Variants in ARAP2 observed in about 807,000 individuals in gnomAD.
The protein encoded by ARAP2 is arf-GAP with Rho-GAP domain, ANK repeat and PH domain-containing protein 2.
In ARAP2, 148 loss-of-function variants were observed where a neutral mutation model predicts 194.5. The observed-to-expected ratio is 0.76, with a 90% CI of 0.67 to 0.87. The LOEUF (loss-of-function observed/expected upper bound fraction) is 0.87. Ranked by LOEUF, ARAP2 falls within the 40% of genes least tolerant of loss-of-function variation. The pLI is 0.00. For synonymous variants in ARAP2, 695 were observed against 683.5 expected, an observed-to-expected ratio of 1.02 and a Z score of -0.26; for missense variants, 2,128 against 1,989.7, an observed-to-expected ratio of 1.07 and a Z score of -1.32.
At chr4:36,054,511 G>A (rs986313436) in intron 2 of ARAP2, among the ~76,000 whole-genome samples, 2 of 152,048 alleles carry the variant, frequency 1.3e-5, no homozygotes, top group African/African-American at 2.4e-5. Flanking sequence ...AATTAGTAAC[G>A]ATATGCACCT....
chr4:36,122,204 T>A (rs1722832377), intron 22 of ARAP2, among the ~76,000 whole-genome samples: 1 of 151,744 alleles, frequency 6.6e-6, no homozygotes, highest in African/African-American at 2.4e-5. Context: ...TAGAAGACAG[T>A]GTGGCAATTT....
In ARAP2 at chr4:36,193,597, G is replaced by A. The variant is rs1426576358; in HGVS notation, c.1538C>T (p.Ser513Phe). The A allele has an allele frequency of 3.8e-6, 6 of 1,590,620 alleles. No individual in the cohort carries two copies. The East Asian group carries it at 1.1e-4, about 30-fold the overall frequency. ...RWVKFDGLSI[S>F]YYNNEKEMYS... The stretch of plus-strand genomic sequence containing the variant: ...ATTTACCTTCTCATTATTGTAGTAA[G>A]AAATGCTAAGGCCATCAAATTTCAC... The change falls in exon 7 of 33, where the codon TCT becomes TTT. Residue 513 changes from serine (S) to phenylalanine (F), a missense_variant. By Grantham distance (155) the Ser-to-Phe change is radical. Transcript: ENST00000303965.
chr4:36,171,891 T>C (rs1736748148), intron 9 of ARAP2, among the ~76,000 whole-genome samples: 1 of 152,218 alleles, frequency 6.6e-6, no homozygotes. Flanking sequence ...TGGTAAATGT[T>C]CAATTAAATT....
chr4:36,110,733 T>C (rs1241339434), intron 26 of ARAP2, among the ~76,000 whole-genome samples: 1 of 152,030 alleles, frequency 6.6e-6, no homozygotes, highest in African/African-American at 2.4e-5. Context: ...GAAGAAAAGA[T>C]GACTGCTGTT....
At chr4:36,086,219 C>T (rs1185253926) in intron 28 of ARAP2, among the ~76,000 whole-genome samples, 1 of 152,086 alleles carries the variant, frequency 6.6e-6, no homozygotes, top group Non-Finnish European at 1.5e-5. Context: ...GAAGATAGGA[C>T]TTGCATATTG....
chr4:36,162,925 G>A (rs1204792295), intron 11 of ARAP2, among the ~76,000 whole-genome samples: 2 of 152,170 alleles, frequency 1.3e-5, no homozygotes, highest in African/African-American at 4.8e-5. Flanking sequence ...GGCTTTGAGT[G>A]TGCAGCGTAG....
intron 1 of ARAP2, among the ~76,000 whole-genome samples, chr4:36,058,801 A>T (rs1283254839): frequency 3.1e-4 from 47 of 152,046 alleles, no homozygotes; most frequent in Non-Finnish European, 5.9e-5. Context: ...GAGGTAGATC[A>T]TTAAAATATA....
chr4:36,146,664 A>C (rs549516991), intron 19 of ARAP2, among the ~76,000 whole-genome samples: 4 of 152,228 alleles, frequency 2.6e-5, no homozygotes, highest in African/African-American at 9.6e-5. Context: ...GCTAGCAAAC[A>C]CGGATACTAT....
chr4:36,070,953 T>C (rs1036738726), intron 32 of ARAP2, among the ~76,000 whole-genome samples: 3 of 152,168 alleles, frequency 2.0e-5, no homozygotes, highest in African/African-American at 4.8e-5. Flanking sequence ...CAGCTTGGCC[T>C]TTCTGAAATC....
chr4:36,147,752 AAAAC>A lies in ARAP2; in HGVS notation c.3001-10_3001-7del. ...GCAAATAAGGGAACAAAATGCTGTT[AAAAC>A]AAATACAAAAAAGTAATAAAGACAG... On this transcript the variant is annotated splice_region_variant and splice_polypyrimidine_tract_variant and intron_variant, in intron 17 of 32. Coordinates refer to ENST00000303965, the MANE Select transcript of ARAP2 (RefSeq NM_015230.4). 2 of 1,595,422 alleles carry A rather than the reference AAAAC, an allele frequency of 1.3e-6. No homozygotes were observed. Among genetic ancestry groups the A allele is most frequent in the Middle Eastern group, 1.7e-4 (1 of 5,952 alleles).
chr4:36,216,661 T>C lies in ARAP2; in HGVS notation c.906-2181A>G, dbSNP rs567396731. Among the ~76,000 whole-genome samples, 6 of 151,620 alleles carry C rather than the reference T, an allele frequency of 4.0e-5. No individual in the cohort carries two copies. In the South Asian group the frequency reaches 6.2e-4, roughly 16 times the overall value. On this transcript the variant is annotated intron_variant, in intron 2 of 32. Transcript: ENST00000303965. ...AATCAAAAACTTGAAAAAACCCAAA[T>C]AGACATCAGGAAGTAAATGATAAAC...
chr4:36,189,345 T>C (rs1741342689), intron 7 of ARAP2, among the ~76,000 whole-genome samples: 1 of 152,150 alleles, frequency 6.6e-6, no homozygotes, highest in Admixed American at 6.6e-5. Flanking sequence ...ACATATAAAG[T>C]ATAATGACCA....
chr4:36,213,210 T>G lies in ARAP2; in HGVS notation c.1041+33A>C, dbSNP rs781183742. ...AATAGGCAGAAAAGCAAATAATTGA[T>G]TATGGAAAACAATTAAAATGTATGG... On this transcript the variant is annotated intron_variant, in intron 4 of 32. Transcript: ENST00000303965. The G allele has an allele frequency of 4.2e-6, 6 of 1,432,344 alleles. No homozygotes were observed. In the Admixed American group the frequency reaches 1.1e-4, roughly 25 times the overall value. 88.7% of individuals were successfully genotyped at this position (1,432,344 alleles called of 1,614,324 possible). A position where few individuals can be genotyped will look rare whatever the true frequency, so the allele number is the denominator to read the frequency against.
In ARAP2 at chr4:36,036,604, CAGTA is replaced by C. The variant is rs1186536244; in HGVS notation, n.607+9371_607+9374del. The stretch of plus-strand genomic sequence containing the variant: ...AATAAAATAAATTATCTCTATACCA[CAGTA>C]AGTATTTCATAGCTTAGAATTACGT... On this transcript the variant is annotated intron_variant and non_coding_transcript_variant, in intron 5 of 12. Transcript: ENST00000503225. Among the ~76,000 whole-genome samples the C allele has an allele frequency of 3.9e-5, 6 of 152,142 alleles. No individual in the cohort carries two copies. The East Asian group carries it at 1.2e-3, about 29-fold the overall frequency.
intron 30 of ARAP2, 108 bp from the exon 31 acceptor site, chr4:36,080,387 T>TAATG (rs753250445): frequency 7.7e-5 from 61 of 795,770 alleles, no homozygotes; most frequent in Non-Finnish European, 1.2e-4. Context: ...CTCTCCTGAT[T>TAATG]AATGACGTAA....
intron 1 of ARAP2, among the ~76,000 whole-genome samples, chr4:36,242,806 A>G (rs956514725): frequency 6.6e-6 from 1 of 152,180 alleles, no homozygotes; most frequent in Non-Finnish European, 1.5e-5. Flanking sequence ...ACACCCATAT[A>G]AATACGTTTT....
At chr4:36,214,295 A>G in intron 3 of ARAP2, 127 bp downstream of exon 3, 1 of 583,320 alleles carries the variant, frequency 1.7e-6, no homozygotes, top group East Asian at 3.3e-5. Flanking sequence ...TACTATGAAC[A>G]CTGGCAGACA....
At chr4:36,007,967 C>T (rs376279485) in intron 9 of ARAP2, among the ~76,000 whole-genome samples, 121 of 151,890 alleles carry the variant, frequency 8.0e-4, no homozygotes, top group Admixed American at 1.2e-3. Flanking sequence ...AATGAAATGC[C>T]TAGAAATACA....
chr4:36,101,168 T>C (rs901088928), intron 27 of ARAP2, among the ~76,000 whole-genome samples: 2 of 151,922 alleles, frequency 1.3e-5, no homozygotes, highest in Admixed American at 6.6e-5. Flanking sequence ...ATAAGGGACT[T>C]GAGCATCTGC....
Sources: allele counts gnomAD v4.1 joint callset (sites outside exome capture counted in the v4.1 genomes callset), GRCh38; gene constraint gnomAD v4.1.1; transcripts MANE v1.5; gene names NCBI Gene and HGNC (gene_info 2026-07-23, HGNC 2026-07-21).